RAB10: variants seen among roughly 807,000 people sequenced by gnomAD.
RAB10 encodes RAB10, member RAS oncogene family, also known as ras-related protein Rab-10.
A neutral mutation model predicts 25.7 loss-of-function variants in RAB10; 5 were observed. The ratio of observed to expected loss-of-function variants is 0.19; its 90% confidence interval spans 0.10 to 0.41. The LOEUF is 0.41. Ranked by LOEUF, RAB10 falls within the 10% of genes least tolerant of loss-of-function variation. RAB10 has a pLI of 1.00. For synonymous variants in RAB10, 89 were observed against 86.4 expected (o/e 1.03, Z -0.16); for missense variants, 103 against 245.8 (o/e 0.42, Z 3.89).
chr2:26,098,952 G>A (rs567426617), intron 2 of RAB10, among the ~76,000 whole-genome samples: 1 of 152,196 alleles, frequency 6.6e-6, no homozygotes, highest in South Asian at 2.1e-4. Context: ...CTCATTATTA[G>A]GCTTTTTATC....
chr2:26,045,339 A>G (rs1403081776), intron 1 of RAB10, among the ~76,000 whole-genome samples: 5 of 151,262 alleles, frequency 3.3e-5, no homozygotes, highest in Non-Finnish European at 5.9e-5. Context: ...TCCCGGGTTC[A>G]CGCCATTCTC....
intron 2 of RAB10, among the ~76,000 whole-genome samples, chr2:26,107,385 C>T (rs1168772724): frequency 2.0e-5 from 3 of 151,924 alleles, no homozygotes; most frequent in African/African-American, 7.3e-5. Context: ...AATACCCTGT[C>T]AAGGGAATGA....
intron 2 of RAB10, among the ~76,000 whole-genome samples, chr2:26,108,591 C>T (rs967153021): frequency 6.8e-6 from 1 of 147,098 alleles, no homozygotes; most frequent in Non-Finnish European, 1.5e-5. Flanking sequence ...ACTATATATA[C>T]ACACATACAC....
chr2:26,072,876 C>A (rs1322238546), intron 1 of RAB10, among the ~76,000 whole-genome samples: 2 of 152,144 alleles, frequency 1.3e-5, no homozygotes, highest in East Asian at 3.8e-4. Flanking sequence ...GCATTAAATA[C>A]TTAAATTGTT....
intron 1 of RAB10, among the ~76,000 whole-genome samples, chr2:26,037,635 G>A (rs1158436985): frequency 1.3e-5 from 2 of 150,080 alleles, no homozygotes; most frequent in Non-Finnish European, 3.0e-5. Context: ...GTGAAACTCT[G>A]TCTCAAAAAA....
chr2:26,105,350 A>T (rs1667446309), intron 2 of RAB10, among the ~76,000 whole-genome samples: 1 of 152,142 alleles, frequency 6.6e-6, no homozygotes, highest in South Asian at 2.1e-4. Context: ...ATAAAGTGTT[A>T]CAAGAAGAGA....
At chr2:26,062,978 G>A (rs1045695404) in intron 1 of RAB10, among the ~76,000 whole-genome samples, 1 of 152,102 alleles carries the variant, frequency 6.6e-6, no homozygotes. Flanking sequence ...AGCCAGGCAT[G>A]GTGGCAGGCG....
At chr2:26,134,707 T>G (rs542702086) in intron 5 of RAB10, among the ~76,000 whole-genome samples, 22 of 152,164 alleles carry the variant, frequency 1.4e-4, no homozygotes, top group Non-Finnish European at 3.1e-4. Flanking sequence ...AGAAGCTTTA[T>G]AAAGGCATGC....
intron 1 of RAB10, among the ~76,000 whole-genome samples, chr2:26,087,271 T>A (rs1322679327): frequency 6.6e-6 from 1 of 152,180 alleles, no homozygotes; most frequent in African/African-American, 2.4e-5. Context: ...CCCTGTTTTA[T>A]AAAATAGGCA....
chr2:26,135,147 A>G lies in RAB10; in HGVS notation c.*126A>G, dbSNP rs1668083078. ...GTTTCTCATCTTAACTATCCAAGCC[A>G]CCTATTTTATTTGTTCTTTCATCTG... On this transcript the variant is annotated 3_prime_UTR_variant, in exon 6 of 6. Coordinates refer to ENST00000264710, the MANE Select transcript of RAB10 (RefSeq NM_016131.5). 1.6e-6 allele frequency: 1 copy of G among 634,180 alleles called. No individual in the cohort carries two copies. The highest frequency in any genetic ancestry group is 1.9e-5 in the African/African-American group (1 of 52,650). 39.3% of individuals were successfully genotyped at this position (634,180 alleles called of 1,614,324 possible).
intron 5 of RAB10, among the ~76,000 whole-genome samples, chr2:26,132,761 A>ACCCCC (rs35277441): frequency 7.8e-6 from 1 of 128,146 alleles, no homozygotes; most frequent in African/African-American, 2.9e-5. Flanking sequence ...CGCAAGAGAT[A>ACCCCC]CCCCCCCCCC....
chr2:26,043,695 T>C (rs994578802), intron 1 of RAB10, among the ~76,000 whole-genome samples: 2 of 152,118 alleles, frequency 1.3e-5, no homozygotes, highest in East Asian at 1.9e-4. Context: ...GAGGTACCTA[T>C]AGTAGACAAA....
At chr2:26,041,011 A>G (rs1318239509) in intron 1 of RAB10, among the ~76,000 whole-genome samples, 2 of 151,988 alleles carry the variant, frequency 1.3e-5, no homozygotes, top group African/African-American at 2.4e-5. Flanking sequence ...CCAGAATATA[A>G]GTTGCACAAA....
At chr2:26,122,369 C>G (rs1667822273) in intron 3 of RAB10, among the ~76,000 whole-genome samples, 1 of 152,180 alleles carries the variant, frequency 6.6e-6, no homozygotes, top group African/African-American at 2.4e-5. Flanking sequence ...TGGCTCACGC[C>G]TGTAATCCCA....
intron 3 of RAB10, among the ~76,000 whole-genome samples, chr2:26,116,006 C>T (rs1187571673): frequency 4.0e-5 from 6 of 151,836 alleles, no homozygotes; most frequent in African/African-American, 1.5e-4. Context: ...ACTACAGGTG[C>T]ATGCTGCCAC....
At chr2:26,129,507 G>A (rs1667971536) in intron 5 of RAB10, among the ~76,000 whole-genome samples, 1 of 152,150 alleles carries the variant, frequency 6.6e-6, no homozygotes, top group African/African-American at 2.4e-5. Flanking sequence ...TGTAGTAGAG[G>A]TGGTATGTCA....
At chr2:26,124,804 ATTT>A (rs1287198372) in intron 3 of RAB10, among the ~76,000 whole-genome samples, 1 of 151,676 alleles carries the variant, frequency 6.6e-6, no homozygotes, top group African/African-American at 2.4e-5. Flanking sequence ...TCACCATTCT[ATTT>A]TCTATGAATT....
At chr2:26,096,949 C>T (rs1038749276) in intron 1 of RAB10, among the ~76,000 whole-genome samples, 8 of 152,098 alleles carry the variant, frequency 5.3e-5, no homozygotes, top group South Asian at 2.1e-4. Flanking sequence ...GGGCTGGGTG[C>T]GGTGGCTCAC....
intron 3 of RAB10, among the ~76,000 whole-genome samples, chr2:26,115,281 A>G (rs1667660319): frequency 6.6e-6 from 1 of 151,502 alleles, no homozygotes; most frequent in South Asian, 2.1e-4. Flanking sequence ...CAAAAGGTGT[A>G]CACAAGTATT....
Sources: allele counts gnomAD v4.1 joint callset (sites outside exome capture counted in the v4.1 genomes callset), GRCh38; gene constraint gnomAD v4.1.1; transcripts MANE v1.5; gene names NCBI Gene and HGNC (gene_info 2026-07-23, HGNC 2026-07-21).